Variants in CPNE7 observed in about 807,000 individuals in gnomAD.
CPNE7 encodes copine-7.
Under a neutral mutation model 66.5 loss-of-function variants are expected in CPNE7, and 78 were observed. The observed-to-expected ratio is 1.17, with a 90% CI of 0.98 to 1.42. The LOEUF is 1.42. Among genes scored for constraint, CPNE7 ranks in the 40% most tolerant of loss-of-function variants. The pLI is 0.00. For synonymous variants in CPNE7, 468 were observed against 336.7 expected, an observed-to-expected ratio of 1.39 and a Z score of -4.27; for missense variants, 1,012 against 776.6, an observed-to-expected ratio of 1.30 and a Z score of -3.60.
chr16:89,590,363 A>G (rs1210435747), intron 11 of CPNE7, among the ~76,000 whole-genome samples: 1 of 152,036 alleles, frequency 6.6e-6, no homozygotes, highest in Non-Finnish European at 1.5e-5. Flanking sequence ...CATCTCTACC[A>G]AAAATACAAA....
Position 89,595,370 on chromosome 16 carries a change from T to C in CPNE7, c.1306T>C (p.Tyr436His). ...GATGCCTTTCCTGTGCCCCCAGCAA[T>C]ACTACATCCTGCTGATCCTGACGGA... Reference protein sequence around the residue: ...AEESTGKASQYYILLILTDGV... With the variant: ...AEESTGKASQHYILLILTDGV... Residue 436 changes from tyrosine to histidine, a missense_variant, in exon 14 of 15, where the codon TAC becomes CAC. Transcript: ENST00000319518. 6.4e-7 allele frequency: 1 copy of C among 1,568,132 alleles called. No individual in the cohort carries two copies. Among genetic ancestry groups the C allele is most frequent in the Non-Finnish European group, 8.7e-7 (1 of 1,152,228 alleles).
intron 10 of CPNE7, among the ~76,000 whole-genome samples, chr16:89,589,329 C>G (rs1280790171): frequency 6.6e-6 from 1 of 152,182 alleles, no homozygotes; most frequent in East Asian, 1.9e-4. Flanking sequence ...CTGGGTAGCC[C>G]TACTGGAGGC....
rs529539909 is a variant in CPNE7 at position 89,583,999 on chromosome 16, A to G, written c.433-29A>G. On this transcript the variant is annotated intron_variant, in intron 3 of 14. Transcript: ENST00000319518. The stretch of plus-strand genomic sequence containing the variant: ...GGTGGGGTCAGGCCCCACCTGGCCA[A>G]GCCTGGAGCCCGGGCGTCCCCCTGC... 12 of 1,610,798 alleles carry G rather than the reference A, an allele frequency of 7.4e-6. No individual in the cohort carries two copies. In the East Asian group the frequency reaches 2.2e-4, roughly 30 times the overall value.
At chr16:89,588,609 T>C in intron 9 of CPNE7, 66 bp from the exon 10 acceptor site, 6 of 1,599,834 alleles carry the variant, frequency 3.8e-6, no homozygotes, top group Non-Finnish European at 4.3e-6. Flanking sequence ...GTGGTTTCTC[T>C]ACCTGTCAGG....
rs923308036 is a variant in CPNE7 at position 89,596,874 on chromosome 16, T to C, written c.*253T>C. ...CAGGTGGGTGGAGGGAGGGAGATCA[T>C]GAGGGACTTGGAGGGAGCTGGGAGT... is the stretch of plus-strand genomic sequence containing the variant. On this transcript the variant is annotated 3_prime_UTR_variant, in exon 15 of 15. Transcript: ENST00000319518. The C allele has an allele frequency of 9.7e-6, 4 of 411,910 alleles. No homozygotes were observed. The Admixed American group carries it at 1.7e-4, about 17-fold the overall frequency. The allele number at this position is 411,910 out of a possible 1,614,324, so 25.5% of individuals were successfully genotyped here.
In CPNE7 at chr16:89,595,524, A is replaced by G; in HGVS notation, c.1460A>G (p.Asp487Gly). ...FTDMQVLDGD[D>G]GVLRSPRGEP... ...GACATGCAGGTCCTGGACGGCGACGACGGCGTCCTGCGCTCCCCACGGGGT... is the reference window on the plus strand; with the variant it reads ...GACATGCAGGTCCTGGACGGCGACGGCGGCGTCCTGCGCTCCCCACGGGGT... Residue 487 changes from aspartate to glycine, a missense_variant, in exon 14 of 15, where the codon GAC (aspartate) becomes GGC (glycine). Physicochemically the swap from Asp to Gly is moderately conservative, Grantham distance 94. Coordinates refer to ENST00000319518, the MANE Select transcript of CPNE7 (RefSeq NM_153636.3). 6.2e-7 allele frequency: 1 copy of G among 1,612,536 alleles called. No homozygotes were observed. Among genetic ancestry groups the G allele is most frequent in the Non-Finnish European group, 8.5e-7 (1 of 1,179,862 alleles).
In CPNE7 at chr16:89,584,208, A is replaced by G; in HGVS notation, c.507+106A>G. 8.5e-7 allele frequency: 1 copy of G among 1,171,894 alleles called. No homozygotes were observed. Among genetic ancestry groups the G allele is most frequent in the African/African-American group, 1.5e-5 (1 of 65,156 alleles). 72.6% of individuals were successfully genotyped at this position (1,171,894 alleles called of 1,614,324 possible). On this transcript the variant is annotated intron_variant, in intron 4 of 14. Transcript: ENST00000319518. The surrounding 1 kb of genome is among the most constrained non-coding windows in gnomAD (Gnocchi z 6.0). ...ACCTCGCGTGGCTATGTCCCGTGTGAGACGTGTGCGGAGTGTGCCTGGGGC... is the reference window on the plus strand; with the variant it reads ...ACCTCGCGTGGCTATGTCCCGTGTGGGACGTGTGCGGAGTGTGCCTGGGGC...
chr16:89,586,572 C>T, intron 7 of CPNE7, 98 bp from the exon 8 acceptor site: 1 of 929,612 alleles, frequency 1.1e-6, no homozygotes, highest in Non-Finnish European at 1.7e-6. Context: ...CACCACGGGG[C>T]CCTCTGCCGT....
chr16:89,587,400 G>C (rs1391222928), intron 9 of CPNE7, among the ~76,000 whole-genome samples: 1 of 119,602 alleles, frequency 8.4e-6, no homozygotes, highest in Non-Finnish European at 1.8e-5. Flanking sequence ...GGGCACTGGC[G>C]GTTCCCCGTG....
intron 9 of CPNE7, 104 bp from the exon 10 acceptor site, chr16:89,588,571 C>T: frequency 2.0e-6 from 3 of 1,479,664 alleles, no homozygotes; most frequent in Non-Finnish European, 1.8e-6. Flanking sequence ...TACGCGACCC[C>T]TGACCCTGAG....
chr16:89,587,504 T>C lies in CPNE7; in HGVS notation c.927+402T>C, dbSNP rs113258195. The C allele has an allele frequency of 2.9e-5, 13 of 451,096 alleles. 1 individual carries two copies. The highest frequency in any genetic ancestry group is 1.4e-4 in the African/African-American group (7 of 48,784). 27.9% of individuals were successfully genotyped at this position (451,096 alleles called of 1,614,324 possible). Reference sequence around the variant, plus strand: ...TTCAGGAAGCAGCCCCAAGCCCGCCTTGGGAGGTGACATCACCAGGGCTTA... The same window carrying C: ...TTCAGGAAGCAGCCCCAAGCCCGCCCTGGGAGGTGACATCACCAGGGCTTA... On this transcript the variant is annotated intron_variant, in intron 9 of 14. Transcript: ENST00000319518.
chr16:89,584,044 T>C lies in CPNE7; in HGVS notation c.449T>C (p.Ile150Thr). 1 of 1,612,200 alleles carries C rather than the reference T, an allele frequency of 6.2e-7. No individual in the cohort carries two copies. The highest frequency in any genetic ancestry group is 8.5e-7 in the Non-Finnish European group (1 of 1,179,654). Reference protein sequence around the residue: ...KSTITVIAEDISGNNGYVELS... With the variant: ...KSTITVIAEDTSGNNGYVELS... ...CCCTGCCAGGTGATCGCCGAGGACA[T>C]CTCGGGGAACAACGGCTACGTGGAG... The change falls in exon 4 of 15, where the codon ATC becomes ACC. Residue 150 changes from isoleucine to threonine, a missense_variant. Physicochemically the swap from Ile to Thr is moderately conservative, Grantham distance 89. Transcript: ENST00000319518. This position sits in a 1 kb window ranked among gnomAD's most constrained non-coding sequence, Gnocchi z 6.0.
At chr16:89,596,092 C>T (rs1023270229) in intron 14 of CPNE7, among the ~76,000 whole-genome samples, 1 of 152,244 alleles carries the variant, frequency 6.6e-6, no homozygotes, top group Admixed American at 6.5e-5. Flanking sequence ...CAGCAAGACA[C>T]CACAGACATG....
Position 89,595,601 on chromosome 16 carries a change from A to T in CPNE7, c.1537A>T (p.Asn513Tyr), listed in dbSNP as rs1468734942. The T allele has an allele frequency of 2.5e-6, 4 of 1,600,630 alleles. No homozygotes were observed. The African/African-American group carries it at 5.3e-5, about 21-fold the overall frequency. The change falls in exon 14 of 15, where the codon AAC (asparagine) becomes TAC (tyrosine). Residue 513 changes from asparagine to tyrosine, a missense_variant and splice_region_variant. Physicochemically the swap from Asn to Tyr is moderately radical, Grantham distance 143. Transcript: ENST00000319518. Reference protein sequence around the residue: ...VQFVPFRELKNASPAALAKCV... With the variant: ...VQFVPFRELKYASPAALAKCV... ...GTTCGTGCCCTTCCGGGAGCTCAAG[A>T]ACGTGAGTGTCCTGGAGGGGCTCCG...
chr16:89,583,432 C>G, intron 2 of CPNE7: 1 of 1,549,594 alleles, frequency 6.5e-7, no homozygotes, highest in Non-Finnish European at 8.7e-7. Context: ...TGTTTCCTCA[C>G]CTGGTAAATA....
rs1431575477 is a variant in CPNE7, at chr16:89,588,523, G to A, written c.928-152G>A. 7 of 845,580 alleles carry A rather than the reference G, an allele frequency of 8.3e-6. No homozygotes were observed. The East Asian group carries it at 1.6e-4, about 19-fold the overall frequency. 52.4% of individuals were successfully genotyped at this position (845,580 alleles called of 1,614,324 possible). On this transcript the variant is annotated intron_variant, in intron 9 of 14. Transcript: ENST00000319518. ...CCTCTCCTGGCCCTGTGTAGCAGGTGGGTCAGCCCCAACAGCAGCCCCCCA... is the reference window on the plus strand; with the variant it reads ...CCTCTCCTGGCCCTGTGTAGCAGGTAGGTCAGCCCCAACAGCAGCCCCCCA...
At chr16:89,590,932 A>G (rs1597716945) in intron 11 of CPNE7, 75 bp from the exon 12 acceptor site, 3 of 1,536,676 alleles carry the variant, frequency 2.0e-6, no homozygotes, top group Non-Finnish European at 2.7e-6. Flanking sequence ...CGGGGGGAGC[A>G]GCTGACCGAG....
intron 2 of CPNE7, among the ~76,000 whole-genome samples, chr16:89,580,454 CG>C (rs2058936041): frequency 7.5e-6 from 1 of 133,738 alleles, no homozygotes; most frequent in Non-Finnish European, 1.6e-5. Flanking sequence ...ACCCATCACA[CG>C]GAACATCTCA....
chr16:89,586,641 T>TG (rs1278345795), intron 7 of CPNE7, 29 bp from the exon 8 acceptor site: 2 of 1,580,270 alleles, frequency 1.3e-6, no homozygotes, highest in African/African-American at 1.4e-5. Context: ...GCCACCACTC[T>TG]GGGGGGCCTC....
Sources: gnomAD v4.1 joint callset for allele counts (sites outside exome capture counted in the v4.1 genomes callset) on GRCh38, gnomAD v4.1.1 for gene constraint, Gnocchi (gnomAD v3.1) non-coding constraint, MANE v1.5 for transcripts, NCBI Gene and HGNC (gene_info 2026-07-23, HGNC 2026-07-21) for gene names.